MYO18A: variants seen among roughly 807,000 people sequenced by gnomAD.
MYO18A encodes unconventional myosin-XVIIIa.
In MYO18A, 78 loss-of-function variants were observed where a neutral mutation model predicts 235.8. The ratio of observed to expected loss-of-function variants is 0.33; its 90% CI spans 0.28 to 0.40. MYO18A has a LOEUF of 0.40. Among genes scored for constraint, MYO18A ranks in the 10% least tolerant of loss-of-function variants. The probability of loss-of-function intolerance (pLI) is 1.00; values close to 1 mark genes in which losing one functional copy is unlikely to be tolerated. For missense variants in MYO18A, 2,215 were observed against 2,699.3 expected, an observed-to-expected ratio of 0.82 and a Z score of 3.98; for synonymous variants, 977 against 1,077.8, an observed-to-expected ratio of 0.91 and a Z score of 1.83.
In MYO18A at chr17:29,107,073, G is replaced by C. The variant is rs2066806472; in HGVS notation, c.3441+7C>G. 3 of 1,613,578 alleles carry C rather than the reference G, an allele frequency of 1.9e-6. No homozygotes were observed. The highest frequency in any genetic ancestry group is 1.7e-6 in the Non-Finnish European group (2 of 1,179,524). On this transcript the variant is annotated splice_region_variant and intron_variant, in intron 20 of 41. Coordinates refer to ENST00000527372, the MANE Select transcript of MYO18A (RefSeq NM_078471.4). ...AGAGGGAGAGCGGTCTGGGGACCTG[G>C]ACCTACCCGCCTTTCATCCACCACG...
At position 29,118,206 on chromosome 17, in the gene MYO18A, C is replaced by A. The variant is rs569349125; in HGVS notation, c.1894-17G>T. Reference sequence around the variant, plus strand: ...TTCCTCAGGCTGTGGAGATAGATGACCTCAAAGGGCTGTCCCTCCCAGCAC... The same window carrying A: ...TTCCTCAGGCTGTGGAGATAGATGAACTCAAAGGGCTGTCCCTCCCAGCAC... On this transcript the variant is annotated splice_polypyrimidine_tract_variant and intron_variant, in intron 9 of 41. Coordinates refer to ENST00000527372, the MANE Select transcript of MYO18A (RefSeq NM_078471.4). The surrounding 1 kb of genome is among the most constrained non-coding windows in gnomAD (Gnocchi z 4.2). The A allele has an allele frequency of 5.8e-5, 93 of 1,594,230 alleles. No homozygotes were observed. The highest frequency in any genetic ancestry group is 7.7e-5 in the Non-Finnish European group (90 of 1,169,216).
In MYO18A at chr17:29,093,098, C is replaced by A. The variant is rs540961299; in HGVS notation, c.4927-97G>T. On this transcript the variant is annotated intron_variant, in intron 32 of 41. Coordinates refer to ENST00000527372, the MANE Select transcript of MYO18A (RefSeq NM_078471.4). ...CTCACCACGTCCTCATTATCAGTGT[C>A]CCCATAAGGATGCTGGAAGAGCCAG... 9.6e-6 allele frequency: 14 copies of A among 1,463,550 alleles called. No individual in the cohort carries two copies. In the African/African-American group the frequency reaches 2.0e-4, roughly 20 times the overall value. 90.7% of individuals were successfully genotyped at this position (1,463,550 alleles called of 1,614,324 possible). A position where few individuals can be genotyped will look rare whatever the true frequency, so the allele number is the denominator to read the frequency against.
At position 29,074,148 on chromosome 17, in the gene MYO18A, C is replaced by T; in HGVS notation, c.*622G>A. On this transcript the variant is annotated 3_prime_UTR_variant, in exon 42 of 42. Transcript: ENST00000527372. This position sits in a 1 kb window ranked among gnomAD's most constrained non-coding sequence, Gnocchi z 4.4. ...ACCCGGCTCTCCTCACCAGCGTCTC[C>T]AGCTGCACAGAGAAAGGACTGCTCT... 6.2e-7 allele frequency: 1 copy of T among 1,613,714 alleles called. No individual in the cohort carries two copies. The highest frequency in any genetic ancestry group is 8.5e-7 in the Non-Finnish European group (1 of 1,179,818).
chr17:29,082,593 G>C (rs932761689), intron 40 of MYO18A, among the ~76,000 whole-genome samples, 155 bp from the exon 41 acceptor site: 3 of 152,064 alleles, frequency 2.0e-5, no homozygotes, highest in African/African-American at 7.2e-5. Context: ...AGGTTAGACA[G>C]AGCACACCAT....
At position 29,125,372 on chromosome 17, in the gene MYO18A, A is replaced by G. The variant is rs1373626187; in HGVS notation, c.1000-3119T>C. Among the ~76,000 whole-genome samples the G allele has an allele frequency of 2.0e-5, 3 of 152,190 alleles. No homozygotes were observed. Among genetic ancestry groups the G allele is most frequent in the Non-Finnish European group, 4.4e-5 (3 of 68,022 alleles). Reference sequence around the variant, plus strand: ...CCCATCTAGATCCAACCTGGGGACCACTTGACAGCTGCCCAAGAGCAAAGG... The same window carrying G: ...CCCATCTAGATCCAACCTGGGGACCGCTTGACAGCTGCCCAAGAGCAAAGG... On this transcript the variant is annotated intron_variant, in intron 2 of 41. Coordinates refer to ENST00000527372, the MANE Select transcript of MYO18A (RefSeq NM_078471.4). The surrounding 1 kb of genome is among the most constrained non-coding windows in gnomAD (Gnocchi z 5.1).
intron 2 of MYO18A, among the ~76,000 whole-genome samples, chr17:29,123,345 G>A (rs1461730441): frequency 1.3e-5 from 2 of 152,036 alleles, no homozygotes. Flanking sequence ...AGGTTAGCCC[G>A]AGCCCCTACA....
chr17:29,170,162 C>T (rs2068369904), intron 1 of MYO18A, among the ~76,000 whole-genome samples: 1 of 152,212 alleles, frequency 6.6e-6, no homozygotes, highest in Admixed American at 6.5e-5. Flanking sequence ...CCTGTGGACA[C>T]AGGTTAAGTT....
At chr17:29,096,633 G>T in intron 28 of MYO18A, 128 bp downstream of exon 28, 1 of 1,216,056 alleles carries the variant, frequency 8.2e-7, no homozygotes, top group Non-Finnish European at 1.1e-6. Context: ...CAAGATGAGT[G>T]ACCAGGCAAG....
At position 29,082,416 on chromosome 17, in the gene MYO18A, A is replaced by G. The variant is rs1401847240; in HGVS notation, c.5920T>C (p.Ser1974Pro). 6.2e-7 allele frequency: 1 copy of G among 1,613,402 alleles called. No individual in the cohort carries two copies. Among genetic ancestry groups the G allele is most frequent in the Non-Finnish European group, 8.5e-7 (1 of 1,179,846 alleles). ...CCGTCAACACGGTCCTCCAGCTCCGAGTCCACATCAGAGTCTCCCTCACTG... is the reference window on the plus strand; with the variant it reads ...CCGTCAACACGGTCCTCCAGCTCCGGGTCCACATCAGAGTCTCCCTCACTG... Reference protein sequence around the residue: ...NKLEGDSDVDSELEDRVDGVK... With the variant: ...NKLEGDSDVDPELEDRVDGVK... The change falls in exon 41 of 42, where the codon TCG (serine) becomes CCG (proline). Residue 1974 changes from serine to proline, a missense_variant. Transcript: ENST00000527372.
In MYO18A at chr17:29,126,980, C is replaced by A. The variant is rs984139665; in HGVS notation, c.1000-4727G>T. On this transcript the variant is annotated intron_variant, in intron 2 of 41. Coordinates refer to ENST00000527372, the MANE Select transcript of MYO18A (RefSeq NM_078471.4). The surrounding 1 kb of genome is among the most constrained non-coding windows in gnomAD (Gnocchi z 4.1). ...TCCTGCTGCCAGATGGTCATGCTGG[C>A]CAGGCCTAAAGAAGGCAGTGATGGC... 7.2e-5 allele frequency among the ~76,000 whole-genome samples: 11 copies of A among 152,196 alleles called. No homozygotes were observed. Among genetic ancestry groups the A allele is most frequent in the African/African-American group, 2.7e-4 (11 of 41,442 alleles).
intron 2 of MYO18A, among the ~76,000 whole-genome samples, chr17:29,132,149 C>A (rs1317946062): frequency 1.3e-5 from 2 of 152,204 alleles, no homozygotes; most frequent in Non-Finnish European, 2.9e-5. Flanking sequence ...AAGCTCTGGA[C>A]ACTGGGGCCA....
At chr17:29,165,298 T>A (rs1477586736) in intron 2 of MYO18A, 4 of 152,242 alleles carry the variant, frequency 2.6e-5, no homozygotes, top group African/African-American at 9.6e-5. Flanking sequence ...TATTTTACTG[T>A]CCAGATTGTC....
At chr17:29,107,435 T>A in intron 19 of MYO18A, 1 of 477,934 alleles carries the variant, frequency 2.1e-6, no homozygotes, top group Non-Finnish European at 3.8e-6. Flanking sequence ...AGGAACAGCC[T>A]CCTTCAGAGA....
chr17:29,098,930 T>C lies in MYO18A; in HGVS notation c.3676A>G (p.Lys1226Glu). ...LAIRCVQKNIKKNKGVKDWPW... is the reference protein window; with the variant it reads ...LAIRCVQKNIEKNKGVKDWPW... The stretch of plus-strand genomic sequence containing the variant: ...CAGTCCTTCACCCCTTTGTTCTTCT[T>C]GATGTTCTTCTGTACACAGCGAATG... The change falls in exon 23 of 42, where the codon AAG becomes GAG. Residue 1226 changes from lysine (K) to glutamate (E), a missense_variant. Transcript: ENST00000527372. 1 of 1,613,706 alleles carries C rather than the reference T, an allele frequency of 6.2e-7. No homozygotes were observed. Among genetic ancestry groups the C allele is most frequent in the Non-Finnish European group, 8.5e-7 (1 of 1,179,834 alleles).
chr17:29,137,884 GTTAC>G (rs1382243398), intron 2 of MYO18A, among the ~76,000 whole-genome samples: 1 of 152,108 alleles, frequency 6.6e-6, no homozygotes, highest in Non-Finnish European at 1.5e-5. Context: ...GTATGTATTT[GTTAC>G]TTACTGCTTA....
chr17:29,129,678 T>A (rs1021216531), intron 2 of MYO18A, among the ~76,000 whole-genome samples: 1 of 152,232 alleles, frequency 6.6e-6, no homozygotes, highest in African/African-American at 2.4e-5. Context: ...AAGGCCCACC[T>A]GCCCATGCTT....
At position 29,098,126 on chromosome 17, in the gene MYO18A, C is replaced by T. The variant is rs1294912843; in HGVS notation, c.3969G>A (p.Glu1323=). 2 of 1,613,704 alleles carry T rather than the reference C, an allele frequency of 1.2e-6. No individual in the cohort carries two copies. The highest frequency in any genetic ancestry group is 1.7e-5 in the Admixed American group (1 of 60,020). The part of the protein sequence containing the change: ...DAETAERLRA[E]KEMKELQTQY... ...TCACCTGCAGTTCCTTCATCTCCTT[C>T]TCAGCCCGGAGCCTCTCTGCTGTCT... is the stretch of plus-strand genomic sequence containing the variant. Residue 1323 remains glutamate (E), a synonymous_variant, in exon 25 of 42, where the codon GAG becomes GAA. Transcript: ENST00000527372.
At chr17:29,124,926 T>C (rs1029609376) in intron 2 of MYO18A, among the ~76,000 whole-genome samples, 1 of 152,002 alleles carries the variant, frequency 6.6e-6, no homozygotes, top group African/African-American at 2.4e-5. Context: ...CCATCAGGCC[T>C]CTCAGAGGAG....
Position 29,165,808 on chromosome 17 carries a change from G to A in MYO18A, c.999+134C>T, listed in dbSNP as rs955666475. 2.0e-5 allele frequency: 17 copies of A among 864,884 alleles called. No homozygotes were observed. The East Asian group carries it at 4.3e-4, about 22-fold the overall frequency. The allele number at this position is 864,884 out of a possible 1,614,324, so 53.6% of individuals were successfully genotyped here. ...GTTCATGCTTCCCCACAGGCTCAGA[G>A]AGCAGCAGGGCTTCCCCACTTACAC... is the stretch of plus-strand genomic sequence containing the variant. On this transcript the variant is annotated intron_variant, in intron 2 of 41. Transcript: ENST00000527372.
Sources: allele counts gnomAD v4.1 joint callset (sites outside exome capture counted in the v4.1 genomes callset), GRCh38; gene constraint gnomAD v4.1.1; non-coding constraint Gnocchi (gnomAD v3.1); transcripts MANE v1.5; gene names NCBI Gene and HGNC (gene_info 2026-07-23, HGNC 2026-07-21).